The following FKBP5 variants were observed in gnomAD, a reference collection of about 807,000 sequenced individuals.
FKBP5 encodes the protein FKBP prolyl isomerase 5, also known as peptidyl-prolyl cis-trans isomerase FKBP5.
A neutral mutation model predicts 50.5 loss-of-function variants in FKBP5; 23 were observed. That is an observed-to-expected ratio of 0.46 (90% CI 0.33 to 0.65). FKBP5 has a LOEUF of 0.65. Among genes scored for constraint, FKBP5 ranks in the 30% least tolerant of loss-of-function variants. The pLI, the probability that FKBP5 is intolerant of heterozygous loss-of-function variation, is 0.02. For missense variants in FKBP5, 411 were observed against 553.1 expected (o/e 0.74, Z 2.58); for synonymous variants, 176 against 190.6 (o/e 0.92, Z 0.63).
At chr6:35,712,646 G>A (rs1766435026) in intron 2 of FKBP5, among the ~76,000 whole-genome samples, 1 of 152,128 alleles carries the variant, frequency 6.6e-6, no homozygotes, top group Non-Finnish European at 1.5e-5. Context: ...GGCTGTCATT[G>A]CATAGCTAGA....
chr6:35,623,572 CTTTT>C (rs374683217), intron 3 of FKBP5, among the ~76,000 whole-genome samples: 2 of 144,182 alleles, frequency 1.4e-5, no homozygotes, highest in South Asian at 2.2e-4. Context: ...GGCTACATCA[CTTTT>C]TTTTTTTTTA....
intron 2 of FKBP5, among the ~76,000 whole-genome samples, chr6:35,713,034 G>T (rs1480522842): frequency 7.8e-6 from 1 of 128,556 alleles, no homozygotes; most frequent in Non-Finnish European, 1.5e-5. Flanking sequence ...CCGTGATCAC[G>T]CTACTGCACT....
intron 1 of FKBP5, among the ~76,000 whole-genome samples, chr6:35,645,526 T>C (rs904058540): frequency 1.3e-5 from 2 of 152,206 alleles, no homozygotes; most frequent in Non-Finnish European, 2.9e-5. Context: ...CAACCAAGTG[T>C]AATCAGTGAT....
intron 2 of FKBP5, among the ~76,000 whole-genome samples, chr6:35,711,230 T>G (rs1043606798): frequency 1.3e-5 from 2 of 150,144 alleles, no homozygotes; most frequent in African/African-American, 4.9e-5. Context: ...AGTGAGAGGA[T>G]CACTTGAGTC....
intron 5 of FKBP5, among the ~76,000 whole-genome samples, chr6:35,603,427 A>C (rs1763206414): frequency 6.6e-6 from 1 of 152,228 alleles, no homozygotes. Context: ...CACAGAGTTC[A>C]GGGCCAGCAA....
At chr6:35,678,857 A>C (rs1023375795) in intron 1 of FKBP5, among the ~76,000 whole-genome samples, 2 of 152,286 alleles carry the variant, frequency 1.3e-5, no homozygotes, top group Admixed American at 1.3e-4. Flanking sequence ...CAAGGCAAGA[A>C]GACAGCTTGA....
intron 6 of FKBP5, among the ~76,000 whole-genome samples, chr6:35,594,381 G>A (rs1257391162): frequency 2.0e-5 from 3 of 152,060 alleles, no homozygotes; most frequent in Non-Finnish European, 2.9e-5. Flanking sequence ...CATTCTTCCC[G>A]AGAGTCTATC....
At chr6:35,701,998 C>T (rs1475024613) in intron 2 of FKBP5, among the ~76,000 whole-genome samples, 1 of 152,120 alleles carries the variant, frequency 6.6e-6, no homozygotes, top group African/African-American at 2.4e-5. Context: ...CAAGTGTGCG[C>T]CACCACACCC....
intron 8 of FKBP5, chr6:35,585,366 T>C (rs1473726548): frequency 1.0e-5 from 10 of 977,966 alleles, no homozygotes; most frequent in Non-Finnish European, 1.2e-5. Flanking sequence ...GTATCCAATA[T>C]ACCTCAATTA....
intron 1 of FKBP5, among the ~76,000 whole-genome samples, chr6:35,682,869 T>C (rs1270737648): frequency 6.7e-6 from 1 of 148,810 alleles, no homozygotes; most frequent in Non-Finnish European, 1.5e-5. Flanking sequence ...GCCACCACAC[T>C]TCAGCCTCGG....
At chr6:35,577,996 G>A (rs1762276618) in intron 9 of FKBP5, among the ~76,000 whole-genome samples, 1 of 150,874 alleles carries the variant, frequency 6.6e-6, no homozygotes, top group Non-Finnish European at 1.5e-5. Flanking sequence ...GGAGGTTGGA[G>A]TGGGCTGAGA....
intron 7 of FKBP5, among the ~76,000 whole-genome samples, chr6:35,588,119 G>A (rs958700214): frequency 7.3e-5 from 11 of 151,150 alleles, no homozygotes; most frequent in East Asian, 1.9e-4. Flanking sequence ...TCTGCCTCCC[G>A]GGTTCAAGTG....
chr6:35,608,760 C>T (rs1228206842), intron 5 of FKBP5, among the ~76,000 whole-genome samples: 1 of 152,094 alleles, frequency 6.6e-6, no homozygotes, highest in Non-Finnish European at 1.5e-5. Flanking sequence ...TCCTCACCAC[C>T]TTTTGTTAAA....
intron 1 of FKBP5, among the ~76,000 whole-genome samples, chr6:35,725,984 G>A (rs989605080): frequency 3.9e-5 from 6 of 152,324 alleles, no homozygotes; most frequent in Middle Eastern, 3.4e-3. Flanking sequence ...CTCACACTCT[G>A]TACCCTGTTC....
At chr6:35,722,971 C>T (rs1253273152) in intron 1 of FKBP5, among the ~76,000 whole-genome samples, 1 of 152,186 alleles carries the variant, frequency 6.6e-6, no homozygotes, top group African/African-American at 2.4e-5. Flanking sequence ...CGATGGCTCA[C>T]GCCTGTAATC....
intron 1 of FKBP5, among the ~76,000 whole-genome samples, chr6:35,687,499 C>T (rs945461311): frequency 6.6e-6 from 1 of 152,024 alleles, no homozygotes; most frequent in Non-Finnish European, 1.5e-5. Context: ...AAGTAAAAAC[C>T]CTTATGGAGG....
chr6:35,720,673 T>G (rs1157389301), intron 1 of FKBP5: 1 of 152,274 alleles, frequency 6.6e-6, no homozygotes, highest in East Asian at 1.9e-4. Flanking sequence ...ACTACTCCCC[T>G]GCCTGTCTCA....
chr6:35,582,940 A>G (rs986075249), intron 8 of FKBP5: 2 of 861,280 alleles, frequency 2.3e-6, no homozygotes, highest in African/African-American at 1.8e-5. Flanking sequence ...GACTTTTTCT[A>G]AAGTGGTGTG....
chr6:35,687,964 T>A (rs1765879833), intron 1 of FKBP5, among the ~76,000 whole-genome samples: 2 of 152,258 alleles, frequency 1.3e-5, no homozygotes, highest in Non-Finnish European at 2.9e-5. Context: ...ACTCTTATAC[T>A]GTGACCGGTG....
Sources: gnomAD v4.1 joint callset for allele counts (sites outside exome capture counted in the v4.1 genomes callset) on GRCh38, gnomAD v4.1.1 for gene constraint, MANE v1.5 for transcripts, NCBI Gene and HGNC (gene_info 2026-07-23, HGNC 2026-07-21) for gene names.